ZHX2: variants seen among roughly 807,000 people sequenced by gnomAD.
ZHX2 encodes the protein zinc fingers and homeoboxes 2, also known as zinc fingers and homeoboxes protein 2.
ZHX2 carries 6 observed loss-of-function variants against 21.9 expected under a neutral mutation model. That is an observed-to-expected ratio of 0.27 (90% CI 0.15 to 0.54). The LOEUF is 0.54. Among genes scored for constraint, ZHX2 ranks in the 20% least tolerant of loss-of-function variants. The pLI is 0.95. For synonymous variants in ZHX2, 434 were observed against 437.1 expected, an observed-to-expected ratio of 0.99 and a Z score of 0.09; for missense variants, 908 against 1,090.7, an observed-to-expected ratio of 0.83 and a Z score of 2.36.
intron 1 of ZHX2, among the ~76,000 whole-genome samples, chr8:122,833,630 G>A (rs1818428196): frequency 6.6e-6 from 1 of 152,144 alleles, no homozygotes; most frequent in South Asian, 2.1e-4. Context: ...GAATGTGGAT[G>A]TGGAGAGTAG....
intron 1 of ZHX2, among the ~76,000 whole-genome samples, chr8:122,825,933 G>A (rs988001345): frequency 6.6e-6 from 1 of 152,094 alleles, no homozygotes. Flanking sequence ...TGCTCTCCAG[G>A]AGGAGTTAAC....
At chr8:122,890,628 AT>A (rs1357944111) in intron 2 of ZHX2, among the ~76,000 whole-genome samples, 6 of 151,918 alleles carry the variant, frequency 3.9e-5, no homozygotes, top group Admixed American at 1.3e-4. Context: ...GTCTTCTTCA[AT>A]TTCTTTCATT....
intron 2 of ZHX2, among the ~76,000 whole-genome samples, chr8:122,907,326 C>T (rs1452896777): frequency 6.6e-6 from 1 of 152,028 alleles, no homozygotes; most frequent in Non-Finnish European, 1.5e-5. Context: ...TCTAGAAAGG[C>T]GGGACATCTT....
intron 1 of ZHX2, among the ~76,000 whole-genome samples, chr8:122,848,973 C>T (rs929183863): frequency 6.6e-6 from 1 of 152,230 alleles, no homozygotes; most frequent in Admixed American, 6.5e-5. Context: ...GAGGCTGCTA[C>T]CCACTAGGGT....
chr8:122,951,418 A>C lies in ZHX2; in HGVS notation c.-93A>C, dbSNP rs1413055891. On this transcript the variant is annotated 5_prime_UTR_variant, in exon 3 of 4. Coordinates refer to ENST00000314393, the MANE Select transcript of ZHX2 (RefSeq NM_014943.5). ...GCCAAAGCCATTTGAGGGGGAATAA[A>C]GCCAAAAGCCTTTCACCTTATTCGT... 1 of 1,173,714 alleles carries C rather than the reference A, an allele frequency of 8.5e-7. No individual in the cohort carries two copies. The highest frequency in any genetic ancestry group is 1.6e-5 in the African/African-American group (1 of 64,352). 72.7% of individuals were successfully genotyped at this position (1,173,714 alleles called of 1,614,324 possible).
chr8:122,930,225 A>G (rs950345031), intron 2 of ZHX2, among the ~76,000 whole-genome samples: 1 of 152,204 alleles, frequency 6.6e-6, no homozygotes, highest in Admixed American at 6.5e-5. Flanking sequence ...TCAAGACCCA[A>G]GGGATACTTA....
chr8:122,842,105 A>G (rs1314392950), intron 1 of ZHX2, among the ~76,000 whole-genome samples: 1 of 152,228 alleles, frequency 6.6e-6, no homozygotes, highest in Non-Finnish European at 1.5e-5. Flanking sequence ...AGCGAGACCT[A>G]TAGCTCAAGT....
At chr8:122,818,155 G>A (rs1413807894) in intron 1 of ZHX2, among the ~76,000 whole-genome samples, 1 of 152,162 alleles carries the variant, frequency 6.6e-6, no homozygotes, top group African/African-American at 2.4e-5. Context: ...CACTCTGTAA[G>A]CGTCAAATGC....
chr8:122,830,373 G>C (rs888327407), intron 1 of ZHX2, among the ~76,000 whole-genome samples: 1 of 152,162 alleles, frequency 6.6e-6, no homozygotes, highest in African/African-American at 2.4e-5. Context: ...TGCACCTTGG[G>C]ACTGGGCCTG....
intron 2 of ZHX2, among the ~76,000 whole-genome samples, chr8:122,910,066 C>T (rs1313911589): frequency 2.6e-5 from 4 of 151,906 alleles, no homozygotes; most frequent in Non-Finnish European, 4.4e-5. Context: ...TCTTGTCCAC[C>T]CAGTAAACCT....
At chr8:122,861,637 G>A (rs1218917699) in intron 1 of ZHX2, among the ~76,000 whole-genome samples, 1 of 152,132 alleles carries the variant, frequency 6.6e-6, no homozygotes, top group African/African-American at 2.4e-5. Flanking sequence ...TCCTCATCAG[G>A]AGCAGCTAGA....
chr8:122,946,405 CT>C (rs903300047), intron 2 of ZHX2, among the ~76,000 whole-genome samples: 1 of 151,940 alleles, frequency 6.6e-6, no homozygotes, highest in Non-Finnish European at 1.5e-5. Flanking sequence ...AGCTCTCCTC[CT>C]TCTTTCTTTT....
Position 122,952,947 on chromosome 8 carries a change from C to T in ZHX2, c.1437C>T (p.Ala479=). ...VYRLIEVTGL[A]RSEIKKWFSD... ...GGCTCATCGAGGTGACTGGCCTTGC[C>T]AGGAGCGAGATCAAGAAGTGGTTCA... The change falls in exon 3 of 4, where the codon GCC becomes GCT. Residue 479 remains alanine, a synonymous_variant. Coordinates refer to ENST00000314393, the MANE Select transcript of ZHX2 (RefSeq NM_014943.5). The surrounding 1 kb of genome is among the most constrained non-coding windows in gnomAD (Gnocchi z 6.9). The T allele has an allele frequency of 5.0e-6, 8 of 1,614,086 alleles. No individual in the cohort carries two copies. The highest frequency in any genetic ancestry group is 6.8e-6 in the Non-Finnish European group (8 of 1,180,030).
chr8:122,891,289 T>C (rs11996566), intron 2 of ZHX2, among the ~76,000 whole-genome samples: 5 of 144,398 alleles, frequency 3.5e-5, no homozygotes, highest in African/African-American at 1.3e-4. Context: ...TGTGTGTGTG[T>C]GTGTGTGTGT....
intron 2 of ZHX2, among the ~76,000 whole-genome samples, chr8:122,937,064 A>G (rs1379967727): frequency 6.6e-6 from 1 of 152,238 alleles, no homozygotes; most frequent in African/African-American, 2.4e-5. Context: ...GAAAAACTGG[A>G]TGGCCATTGC....
At chr8:122,908,996 G>T (rs1820413507) in intron 2 of ZHX2, among the ~76,000 whole-genome samples, 1 of 152,118 alleles carries the variant, frequency 6.6e-6, no homozygotes, top group Admixed American at 6.5e-5. Context: ...GTTCTAACTT[G>T]TTCTATAATT....
chr8:122,814,683 C>T (rs1382842224), intron 1 of ZHX2, among the ~76,000 whole-genome samples: 1 of 152,206 alleles, frequency 6.6e-6, no homozygotes, highest in Admixed American at 6.5e-5. Context: ...TTCTCTAGCT[C>T]ATGAAAGGAG....
chr8:122,931,303 T>C (rs1165095952), intron 2 of ZHX2, among the ~76,000 whole-genome samples: 1 of 152,098 alleles, frequency 6.6e-6, no homozygotes, highest in East Asian at 1.9e-4. Flanking sequence ...GGGCCAGAGT[T>C]TGTGCGGTAG....
intron 2 of ZHX2, among the ~76,000 whole-genome samples, chr8:122,912,338 A>C (rs148874368): frequency 6.6e-6 from 1 of 152,346 alleles, no homozygotes; most frequent in African/African-American, 2.4e-5. Context: ...TGGCCTGGGC[A>C]CTGGGTGCTC....
Sources: allele counts gnomAD v4.1 joint callset (sites outside exome capture counted in the v4.1 genomes callset), GRCh38; gene constraint gnomAD v4.1.1; non-coding constraint Gnocchi (gnomAD v3.1); transcripts MANE v1.5; gene names NCBI Gene and HGNC (gene_info 2026-07-23, HGNC 2026-07-21).